TSC22D2: variants seen among roughly 807,000 people sequenced by gnomAD.
The protein encoded by TSC22D2 is TSC22 domain family member 2.
Under a neutral mutation model 50.1 loss-of-function variants are expected in TSC22D2, and 5 were observed. That is an observed-to-expected ratio of 0.10 (90% CI 0.05 to 0.21). The LOEUF is 0.21. TSC22D2 is among the 10% of genes least tolerant of loss of function. The pLI is 1.00. For missense variants in TSC22D2, 1,003 were observed against 1,015.5 expected, an observed-to-expected ratio of 0.99 and a Z score of 0.17; for synonymous variants, 501 against 450.1, an observed-to-expected ratio of 1.11 and a Z score of -1.43.
rs1410305292 is a variant in TSC22D2, at chr3:150,457,058, T to C, written c.1959-18T>C. 1 of 1,609,768 alleles carries C rather than the reference T, an allele frequency of 6.2e-7. No homozygotes were observed. The highest frequency in any genetic ancestry group is 8.5e-7 in the Non-Finnish European group (1 of 1,177,812). ...GGTTAAATTTTTTAGAATAATAACA[T>C]ATTCTAATTTTTTCCAGTGCATCTG... is the stretch of plus-strand genomic sequence containing the variant. On this transcript the variant is annotated intron_variant, in intron 1 of 2. Coordinates refer to ENST00000688009, the MANE Select transcript of TSC22D2 (RefSeq NM_001303264.2).
At chr3:150,422,839 C>T (rs1169049233) in intron 1 of TSC22D2, among the ~76,000 whole-genome samples, 1 of 152,118 alleles carries the variant, frequency 6.6e-6, no homozygotes, top group African/African-American at 2.4e-5. Context: ...TAACTGTGAT[C>T]CTGAATTATT....
Position 150,409,058 on chromosome 3 carries a change from G to C in TSC22D2, c.-293G>C. 3.4e-6 allele frequency: 1 copy of C among 293,296 alleles called. No individual in the cohort carries two copies. Among genetic ancestry groups the C allele is most frequent in the Non-Finnish European group, 6.4e-6 (1 of 155,594 alleles). 18.2% of individuals were successfully genotyped at this position (293,296 alleles called of 1,614,324 possible). On this transcript the variant is annotated 5_prime_UTR_variant, in exon 1 of 3. Coordinates refer to ENST00000688009, the MANE Select transcript of TSC22D2 (RefSeq NM_001303264.2). This position sits in a 1 kb window ranked among gnomAD's most constrained non-coding sequence, Gnocchi z 7.4. The stretch of plus-strand genomic sequence containing the variant: ...CTGGGTTCGCGCTCTCGCCGCCTCT[G>C]AGGGAATTGAATTGAGGCGCCGCGG...
intron 1 of TSC22D2, among the ~76,000 whole-genome samples, chr3:150,456,016 T>C (rs904270452): frequency 6.6e-6 from 1 of 152,112 alleles, no homozygotes; most frequent in Non-Finnish European, 1.5e-5. Flanking sequence ...ATCATACAAT[T>C]GCTAAGGTGA....
chr3:150,434,119 T>C lies in TSC22D2; in HGVS notation c.1958+22811T>C, dbSNP rs146910964. On this transcript the variant is annotated intron_variant, in intron 1 of 2. Transcript: ENST00000688009. Reference sequence around the variant, plus strand: ...CCATTTCTTTTATGTTAGCTATTATTAAGCTCAGAGTCAAAAAATAGGAGG... The same window carrying C: ...CCATTTCTTTTATGTTAGCTATTATCAAGCTCAGAGTCAAAAAATAGGAGG... 2.2e-3 allele frequency among the ~76,000 whole-genome samples: 337 copies of C among 151,530 alleles called. 1 individual carries two copies. The highest frequency in any genetic ancestry group is 7.9e-3 in the African/African-American group (327 of 41,330).
At chr3:150,445,833 C>G (rs185488127) in intron 1 of TSC22D2, among the ~76,000 whole-genome samples, 1 of 152,138 alleles carries the variant, frequency 6.6e-6, no homozygotes, top group Non-Finnish European at 1.5e-5. Flanking sequence ...GCTAGCCTCA[C>G]GCCTGTAATT....
intron 1 of TSC22D2, among the ~76,000 whole-genome samples, chr3:150,422,079 T>C (rs1720029458): frequency 6.6e-6 from 1 of 152,252 alleles, no homozygotes; most frequent in Non-Finnish European, 1.5e-5. Flanking sequence ...GTTGTCAGAA[T>C]TTAGTTAATG....
Position 150,459,408 on chromosome 3 carries a change from G to A in TSC22D2, c.*772G>A, listed in dbSNP as rs991060308. 1 of 152,338 alleles carries A rather than the reference G, an allele frequency of 6.6e-6. No homozygotes were observed. Among genetic ancestry groups the A allele is most frequent in the African/African-American group, 2.4e-5 (1 of 41,370 alleles). The allele number at this position is 152,338 out of a possible 1,614,324, so 9.4% of individuals were successfully genotyped here. The stretch of plus-strand genomic sequence containing the variant: ...GGGCTATTTTGATGAAGAAAACTTT[G>A]TTCATTTGTTTCTACTTTCTAAGAG... On this transcript the variant is annotated 3_prime_UTR_variant, in exon 3 of 3. Coordinates refer to ENST00000688009, the MANE Select transcript of TSC22D2 (RefSeq NM_001303264.2).
chr3:150,410,447 C>T lies in TSC22D2; in HGVS notation c.1097C>T (p.Pro366Leu). 1 of 1,609,402 alleles carries T rather than the reference C, an allele frequency of 6.2e-7. No homozygotes were observed. The highest frequency in any genetic ancestry group is 1.3e-5 in the African/African-American group (1 of 74,548). ...GCGTATCCTCAGCCTCAGATACCGC[C>T]CGGACATTTGCTGCCCGTCCAGCCC... ...QFAYPQPQIP[P>L]GHLLPVQPSG... The change falls in exon 1 of 3, where the codon CCC (proline) becomes CTC (leucine). Residue 366 changes from proline to leucine, a missense_variant. Coordinates refer to ENST00000688009, the MANE Select transcript of TSC22D2 (RefSeq NM_001303264.2).
chr3:150,409,632 G>C lies in TSC22D2; in HGVS notation c.282G>C (p.Leu94=), dbSNP rs754478925. The C allele has an allele frequency of 1.0e-4, 167 of 1,608,990 alleles. No individual in the cohort carries two copies. Among genetic ancestry groups the C allele is most frequent in the Non-Finnish European group, 1.4e-4 (160 of 1,177,510 alleles). Residue 94 remains leucine, a synonymous_variant, in exon 1 of 3, where the codon CTG becomes CTC. Transcript: ENST00000688009. This position sits in a 1 kb window ranked among gnomAD's most constrained non-coding sequence, Gnocchi z 7.4. ...CAAACCTCCTCCTAGATGGGCAGCTGGCAGCGGCGGCTGCTGCTCCCGCCA... is the reference window on the plus strand; with the variant it reads ...CAAACCTCCTCCTAGATGGGCAGCTCGCAGCGGCGGCTGCTGCTCCCGCCA... ...VSPNLLLDGQ[L]AAAAAAPANG... is the part of the protein sequence containing the mutation.
intron 1 of TSC22D2, among the ~76,000 whole-genome samples, chr3:150,451,612 T>G (rs183216520): frequency 3.7e-4 from 56 of 152,318 alleles, no homozygotes; most frequent in Admixed American, 2.0e-4. Flanking sequence ...AGAAAATATG[T>G]GTGTTTTGAC....
Position 150,458,549 on chromosome 3 carries a change from T to C in TSC22D2, c.2184T>C (p.Pro728=). The C allele has an allele frequency of 6.2e-7, 1 of 1,614,198 alleles. No individual in the cohort carries two copies. The highest frequency in any genetic ancestry group is 1.1e-5 in the South Asian group (1 of 91,080). ...AACTCCCAACCCAACAGGCCAATCC[T>C]GGTAGCACTTCTCAACAGCAAGCAG... The part of the protein sequence containing the change: ...LSQLPTQQAN[P]GSTSQQQAVI... The change falls in exon 3 of 3, where the codon CCT becomes CCC. Residue 728 remains proline, a synonymous_variant. Transcript: ENST00000688009.
chr3:150,432,652 G>A (rs1028850548), intron 1 of TSC22D2, among the ~76,000 whole-genome samples: 3 of 151,536 alleles, frequency 2.0e-5, no homozygotes, highest in African/African-American at 7.3e-5. Context: ...ACCTGGAATT[G>A]TTGAACCAGG....
At chr3:150,420,433 C>A (rs1560081688) in intron 1 of TSC22D2, among the ~76,000 whole-genome samples, 1 of 152,158 alleles carries the variant, frequency 6.6e-6, no homozygotes, top group East Asian at 1.9e-4. Context: ...GATTGTGTAA[C>A]TGTGTACTAT....
intron 1 of TSC22D2, among the ~76,000 whole-genome samples, chr3:150,439,731 G>A (rs981774095): frequency 6.6e-6 from 1 of 152,060 alleles, no homozygotes; most frequent in East Asian, 1.9e-4. Context: ...AAGAAACATT[G>A]CTAGTGAATG....
rs371897360 is a variant in TSC22D2, at chr3:150,458,095, C to CT, written c.2011-268dup. 7.8e-4 allele frequency among the ~76,000 whole-genome samples: 114 copies of CT among 145,370 alleles called. 1 individual carries two copies. The Middle Eastern group carries it at 0.011, about 14-fold the overall frequency. ...ACCATTTTAAGCATGTGATTTTAAA[C>CT]TTTTTTTTTTTTTAATTCTAAGCTT... On this transcript the variant is annotated intron_variant, in intron 2 of 2. Transcript: ENST00000688009.
Position 150,409,761 on chromosome 3 carries a change from C to G in TSC22D2, c.411C>G (p.Pro137=). The G allele has an allele frequency of 1.9e-6, 3 of 1,601,944 alleles. No homozygotes were observed. Among genetic ancestry groups the G allele is most frequent in the Non-Finnish European group, 1.7e-6 (2 of 1,178,792 alleles). ...CCGCCCCCGGAGCACCCGGCGGCCC[C>G]CAGCTCGCGGGCTCATCCGCCGGGC... ...SAPAPGAPGG[P]QLAGSSAGPV... is the part of the protein sequence containing the mutation. Residue 137 remains proline, a synonymous_variant, in exon 1 of 3, where the codon CCC becomes CCG. Transcript: ENST00000688009. The surrounding 1 kb of genome is among the most constrained non-coding windows in gnomAD (Gnocchi z 7.4).
intron 1 of TSC22D2, among the ~76,000 whole-genome samples, chr3:150,411,798 T>C (rs959876981): frequency 2.6e-5 from 4 of 152,194 alleles, no homozygotes; most frequent in African/African-American, 9.7e-5. Context: ...CTGGAAAGGC[T>C]GGAGACATAA....
intron 1 of TSC22D2, among the ~76,000 whole-genome samples, chr3:150,449,440 A>AG (rs775419692): frequency 1.9e-4 from 29 of 152,034 alleles, no homozygotes; most frequent in Non-Finnish European, 4.0e-4. Flanking sequence ...ATCCTTCTTT[A>AG]TGTGTATATA....
chr3:150,458,158 G>A (rs372686066), intron 2 of TSC22D2, among the ~76,000 whole-genome samples: 6 of 150,024 alleles, frequency 4.0e-5, no homozygotes, highest in South Asian at 4.2e-4. Context: ...TTTGGAAATC[G>A]TCCCAAACTT....
Sources: allele counts gnomAD v4.1 joint callset (sites outside exome capture counted in the v4.1 genomes callset), GRCh38; gene constraint gnomAD v4.1.1; non-coding constraint Gnocchi (gnomAD v3.1); transcripts MANE v1.5; gene names NCBI Gene and HGNC (gene_info 2026-07-23, HGNC 2026-07-21).